TLCD4: variants seen among roughly 807,000 people sequenced by gnomAD.
TLCD4 encodes the protein TLC domain-containing protein 4.
A neutral mutation model predicts 24.2 loss-of-function variants in TLCD4; 7 were observed. The observed-to-expected ratio is 0.29, with a 90% CI of 0.16 to 0.54. The LOEUF is 0.54. TLCD4 is among the 20% of genes least tolerant of loss of function. The probability of loss-of-function intolerance (pLI) is 0.95; values close to 1 mark genes in which losing one functional copy is unlikely to be tolerated. For synonymous variants in TLCD4, 103 were observed against 106.4 expected (o/e 0.97, Z 0.20); for missense variants, 259 against 313.9 (o/e 0.82, Z 1.32).
At chr1:95,188,661 T>C (rs1240418392) in intron 6 of TLCD4, among the ~76,000 whole-genome samples, 2 of 152,202 alleles carry the variant, frequency 1.3e-5, no homozygotes, top group African/African-American at 4.8e-5. Flanking sequence ...ACATTGTGAG[T>C]TTTGGACCTG....
chr1:95,169,343 G>T (rs1678128720), intron 5 of TLCD4, among the ~76,000 whole-genome samples: 1 of 152,180 alleles, frequency 6.6e-6, no homozygotes, highest in African/African-American at 2.4e-5. Flanking sequence ...GAGGAGAGAG[G>T]AATTAGAAGA....
At chr1:95,126,781 A>T (rs1676748145) in intron 1 of TLCD4, among the ~76,000 whole-genome samples, 1 of 152,154 alleles carries the variant, frequency 6.6e-6, no homozygotes, top group Non-Finnish European at 1.5e-5. Flanking sequence ...TGATGGTCTC[A>T]GGGCAATTTT....
chr1:95,098,446 A>G, the TLCD4 span, among the ~76,000 whole-genome samples: 2 of 152,146 alleles, frequency 1.3e-5, no homozygotes, highest in Admixed American at 1.3e-4. Flanking sequence ...CTGTTTCCAT[A>G]AACGCATATT....
Position 95,195,641 on chromosome 1 carries a change from C to T in TLCD4, c.*3773C>T, listed in dbSNP as rs1483208888. On this transcript the variant is annotated 3_prime_UTR_variant, in exon 7 of 7. Coordinates refer to ENST00000370203, the MANE Select transcript of TLCD4 (RefSeq NM_152487.3). ...CGAGCCAGCATACAGCGAGACCCTT[C>T]ATGTGTCTCTGGATGCACATATATC... 6.6e-6 allele frequency: 1 copy of T among 152,160 alleles called. No individual in the cohort carries two copies. The highest frequency in any genetic ancestry group is 1.5e-5 in the Non-Finnish European group (1 of 68,016). The allele number at this position is 152,160 out of a possible 1,614,324, so 9.4% of individuals were successfully genotyped here.
intron 1 of TLCD4, among the ~76,000 whole-genome samples, chr1:95,131,401 C>T (rs1441732985): frequency 1.3e-5 from 2 of 152,174 alleles, no homozygotes; most frequent in Admixed American, 1.3e-4. Context: ...GAAAGAAGGC[C>T]ATGTTAGCTG....
chr1:95,100,593 T>A, the TLCD4 span, among the ~76,000 whole-genome samples: 5 of 151,780 alleles, frequency 3.3e-5, no homozygotes, highest in Admixed American at 6.6e-5. Context: ...ATAATAATAA[T>A]AAAAAAGAAA....
At chr1:95,098,710 G>A in the TLCD4 span, among the ~76,000 whole-genome samples, 12,281 of 152,078 alleles carry the variant, frequency 0.081, 530 homozygotes, top group African/African-American at 0.11. Context: ...GTGGTCTTGC[G>A]TCTCAGTGGC....
intron 5 of TLCD4, among the ~76,000 whole-genome samples, chr1:95,172,766 T>A (rs1678273226): frequency 6.6e-6 from 1 of 152,206 alleles, no homozygotes; most frequent in African/African-American, 2.4e-5. Flanking sequence ...TTGTTCTCAT[T>A]TGGAAGGCAG....
Position 95,174,082 on chromosome 1 carries a change from A to T in TLCD4, c.473+193A>T, listed in dbSNP as rs866280359. Reference sequence around the variant, plus strand: ...GTAACTTACCCAAGTTTCCCTAGCTAGCAAGTGGTGGTGCTAGCTTTTAAA... The same window carrying T: ...GTAACTTACCCAAGTTTCCCTAGCTTGCAAGTGGTGGTGCTAGCTTTTAAA... On this transcript the variant is annotated intron_variant, in intron 6 of 6. Coordinates refer to ENST00000370203, the MANE Select transcript of TLCD4 (RefSeq NM_152487.3). The T allele has an allele frequency of 1.2e-4, 92 of 753,132 alleles. No homozygotes were observed. The African/African-American group carries it at 1.2e-3, about 10-fold the overall frequency. 46.7% of individuals were successfully genotyped at this position (753,132 alleles called of 1,614,324 possible). A position where few individuals can be genotyped will look rare whatever the true frequency, so the allele number is the denominator to read the frequency against.
At chr1:95,173,579 T>TACATAAGTGA (rs760428453) in intron 5 of TLCD4, among the ~76,000 whole-genome samples, 1 of 152,242 alleles carries the variant, frequency 6.6e-6, no homozygotes. Context: ...GGACACTGTA[T>TACATAAGTGA]ACATAAGTGA....
chr1:95,166,173 G>T (rs903769376), intron 5 of TLCD4, among the ~76,000 whole-genome samples: 117 of 152,178 alleles, frequency 7.7e-4, no homozygotes, highest in African/African-American at 2.7e-3. Context: ...CTCACTATGG[G>T]GTAGTCCACC....
Position 95,192,069 on chromosome 1 carries a change from G to C in TLCD4, c.*201G>C, listed in dbSNP as rs1047363962. 8.0e-7 allele frequency: 1 copy of C among 1,245,702 alleles called. No individual in the cohort carries two copies. Among genetic ancestry groups the C allele is most frequent in the South Asian group, 1.7e-5 (1 of 58,750 alleles). 77.2% of individuals were successfully genotyped at this position (1,245,702 alleles called of 1,614,324 possible). A position where few individuals can be genotyped will look rare whatever the true frequency, so the allele number is the denominator to read the frequency against. ...CCCAGCACTTTGGGAGGCCAAGGTG[G>C]GTCGATCACTGAGGTCAGGAGTTCG... is the stretch of plus-strand genomic sequence containing the variant. On this transcript the variant is annotated 3_prime_UTR_variant, in exon 7 of 7. Coordinates refer to ENST00000370203, the MANE Select transcript of TLCD4 (RefSeq NM_152487.3).
chr1:95,099,474 T>C, the TLCD4 span, among the ~76,000 whole-genome samples: 1 of 108,088 alleles, frequency 9.3e-6, no homozygotes, highest in Non-Finnish European at 2.3e-5. Flanking sequence ...GCTAAAAAAC[T>C]CTATTTTTAT....
At position 95,148,685 on chromosome 1, in the gene TLCD4, A is replaced by T. The variant is rs749350645; in HGVS notation, c.156-17A>T. On this transcript the variant is annotated splice_polypyrimidine_tract_variant and intron_variant, in intron 2 of 6. Coordinates refer to ENST00000370203, the MANE Select transcript of TLCD4 (RefSeq NM_152487.3). Reference sequence around the variant, plus strand: ...CAAAGAATCTAAAATCTTTGTGTGTATTTTGTTTAATTTCAGGGTAGTATC... The same window carrying T: ...CAAAGAATCTAAAATCTTTGTGTGTTTTTTGTTTAATTTCAGGGTAGTATC... The T allele has an allele frequency of 6.2e-7, 1 of 1,611,742 alleles. No homozygotes were observed. The highest frequency in any genetic ancestry group is 8.5e-7 in the Non-Finnish European group (1 of 1,179,220).
the TLCD4 span, among the ~76,000 whole-genome samples, chr1:95,103,069 C>A: frequency 6.6e-6 from 1 of 152,072 alleles, no homozygotes; most frequent in East Asian, 1.9e-4. Context: ...ACCTCCGCCT[C>A]CCAGGTTCAA....
intron 1 of TLCD4, among the ~76,000 whole-genome samples, chr1:95,136,615 G>C (rs1384656324): frequency 6.6e-6 from 1 of 152,168 alleles, no homozygotes; most frequent in Non-Finnish European, 1.5e-5. Context: ...TAATTTACAT[G>C]CTGCTTCTAG....
At chr1:95,100,910 CTTTT>C in the TLCD4 span, among the ~76,000 whole-genome samples, 3 of 142,230 alleles carry the variant, frequency 2.1e-5, no homozygotes, top group Admixed American at 7.0e-5. Flanking sequence ...AGGTCTCCAA[CTTTT>C]TTTTTTTTTT....
intron 6 of TLCD4, among the ~76,000 whole-genome samples, chr1:95,184,062 T>A (rs1208054050): frequency 6.6e-6 from 1 of 152,192 alleles, no homozygotes; most frequent in Non-Finnish European, 1.5e-5. Context: ...AAATTACATT[T>A]GCAACTAAGA....
Position 95,192,556 on chromosome 1 carries a change from A to C in TLCD4, c.*688A>C, listed in dbSNP as rs1369378019. 1 of 152,214 alleles carries C rather than the reference A, an allele frequency of 6.6e-6. No homozygotes were observed. The highest frequency in any genetic ancestry group is 6.5e-5 in the Admixed American group (1 of 15,276). The allele number at this position is 152,214 out of a possible 1,614,324, so 9.4% of individuals were successfully genotyped here. ...TGCTGCAAGAATGGGAACTGCTTTTAAATCTGTAAATAGCTCTTAACATTT... is the reference window on the plus strand; with the variant it reads ...TGCTGCAAGAATGGGAACTGCTTTTCAATCTGTAAATAGCTCTTAACATTT... On this transcript the variant is annotated 3_prime_UTR_variant, in exon 7 of 7. Transcript: ENST00000370203.
Sources: gnomAD v4.1 joint callset for allele counts (sites outside exome capture counted in the v4.1 genomes callset) on GRCh38, gnomAD v4.1.1 for gene constraint, MANE v1.5 for transcripts, NCBI Gene and HGNC (gene_info 2026-07-23, HGNC 2026-07-21) for gene names.